The following PTPRD variants were observed in gnomAD, a reference collection of about 807,000 sequenced individuals.
The protein encoded by PTPRD is protein tyrosine phosphatase receptor type D.
PTPRD carries 34 observed loss-of-function variants against 214.5 expected under a neutral mutation model. That is an observed-to-expected ratio of 0.16 (90% CI 0.12 to 0.21). PTPRD has a LOEUF of 0.21. PTPRD is among the 10% of genes least tolerant of loss of function. PTPRD has a pLI of 1.00. For synonymous variants in PTPRD, 1,128 were observed against 845.7 expected (o/e 1.33, Z -5.79); for missense variants, 2,545 against 2,398.7 (o/e 1.06, Z -1.27).
intron 3 of PTPRD, among the ~76,000 whole-genome samples, chr9:10,039,612 A>C (rs1456647265): frequency 6.6e-6 from 1 of 152,042 alleles, no homozygotes; most frequent in Admixed American, 6.6e-5. Context: ...CTGGGTTAAA[A>C]TGTCCTAGCT....
intron 5 of PTPRD, among the ~76,000 whole-genome samples, chr9:9,839,674 A>T (rs2057794886): frequency 6.6e-6 from 1 of 152,108 alleles, no homozygotes; most frequent in Admixed American, 6.6e-5. Flanking sequence ...GCTACCAATG[A>T]CTTTCTTCAC....
intron 11 of PTPRD, among the ~76,000 whole-genome samples, chr9:8,939,171 G>C (rs2099015913): frequency 6.6e-6 from 1 of 152,106 alleles, no homozygotes; most frequent in South Asian, 2.1e-4. Context: ...GATAATTTAA[G>C]TCTATTGTTT....
intron 10 of PTPRD, among the ~76,000 whole-genome samples, chr9:9,135,188 G>C (rs1375898711): frequency 1.3e-5 from 2 of 152,176 alleles, no homozygotes; most frequent in Non-Finnish European, 2.9e-5. Flanking sequence ...AACTGAGAGA[G>C]GACTCATGTC....
At position 9,612,508 on chromosome 9, in the gene PTPRD, G is replaced by A. The variant is rs753478668; in HGVS notation, c.-286-37727C>T. On this transcript the variant is annotated intron_variant, in intron 7 of 45. Coordinates refer to ENST00000381196, the MANE Select transcript of PTPRD (RefSeq NM_002839.4). ...GTGCATATAAAAACTCAAAGGGCAA[G>A]TAGACAGCAAAATTAAGGAAGTGGT... is the stretch of plus-strand genomic sequence containing the variant. Among the ~76,000 whole-genome samples, 148 of 152,286 alleles carry A rather than the reference G, an allele frequency of 9.7e-4. 1 individual carries two copies. Among genetic ancestry groups the A allele is most frequent in the Non-Finnish European group, 1.5e-3 (103 of 68,028 alleles).
Position 8,733,679 on chromosome 9 carries a change from T to C in PTPRD, c.64+101A>G, listed in dbSNP as rs537807573. On this transcript the variant is annotated intron_variant, in intron 12 of 45. Transcript: ENST00000381196. Reference sequence around the variant, plus strand: ...GATCCCGCAGTGTCTCAGGATTTACTTCCAAAGGAAATGTATTCAGAGGCC... The same window carrying C: ...GATCCCGCAGTGTCTCAGGATTTACCTCCAAAGGAAATGTATTCAGAGGCC... 4.3e-5 allele frequency: 54 copies of C among 1,247,752 alleles called. 1 individual carries two copies. In the Admixed American group the frequency reaches 1.0e-3, roughly 24 times the overall value. 77.3% of individuals were successfully genotyped at this position (1,247,752 alleles called of 1,614,324 possible).
At chr9:10,215,498 G>C (rs912797167) in intron 3 of PTPRD, among the ~76,000 whole-genome samples, 34 of 152,134 alleles carry the variant, frequency 2.2e-4, no homozygotes, top group African/African-American at 7.9e-4. Context: ...TTTGTAGTCA[G>C]GCAACATTAA....
At chr9:9,967,640 G>C (rs574285144) in intron 4 of PTPRD, among the ~76,000 whole-genome samples, 2 of 152,270 alleles carry the variant, frequency 1.3e-5, no homozygotes, top group South Asian at 2.1e-4. Context: ...AAGTCATAGA[G>C]AATTAAAAGT....
At chr9:9,925,456 T>G (rs1389427971) in intron 5 of PTPRD, among the ~76,000 whole-genome samples, 1 of 152,140 alleles carries the variant, frequency 6.6e-6, no homozygotes, top group African/African-American at 2.4e-5. Context: ...CTATATTATA[T>G]AAATAATCTT....
In PTPRD at chr9:9,571,898, G is replaced by A. The variant is rs181755610; in HGVS notation, c.-237+2834C>T. Among the ~76,000 whole-genome samples the A allele has an allele frequency of 2.3e-3, 350 of 151,086 alleles. 1 individual carries two copies. Among genetic ancestry groups the A allele is most frequent in the African/African-American group, 8.2e-3 (339 of 41,392 alleles). ...AATCTATTTATCTTAAATGCACAAG[G>A]TAATAAACATAGAACAATGTAACAC... On this transcript the variant is annotated intron_variant, in intron 8 of 45. Coordinates refer to ENST00000381196, the MANE Select transcript of PTPRD (RefSeq NM_002839.4).
intron 3 of PTPRD, among the ~76,000 whole-genome samples, chr9:10,196,869 T>G (rs1416755509): frequency 6.6e-6 from 1 of 152,106 alleles, no homozygotes; most frequent in African/African-American, 2.4e-5. Flanking sequence ...TGAATAGGAC[T>G]AGTGTTTTTA....
intron 7 of PTPRD, among the ~76,000 whole-genome samples, chr9:9,608,846 G>T (rs916897129): frequency 9.9e-5 from 15 of 152,114 alleles, no homozygotes; most frequent in Admixed American, 9.2e-4. Flanking sequence ...TTACTTCTAA[G>T]AATTACCTTC....
chr9:8,697,513 C>A (rs979798598), intron 12 of PTPRD, among the ~76,000 whole-genome samples: 1 of 148,920 alleles, frequency 6.7e-6, no homozygotes, highest in Non-Finnish European at 1.5e-5. Context: ...ATCCCCACCT[C>A]CCAGGTTCAA....
chr9:8,339,194 T>A, intron 42 of PTPRD, 147 bp from the exon 43 acceptor site: 1 of 819,362 alleles, frequency 1.2e-6, no homozygotes. Flanking sequence ...ATATGACTCA[T>A]TTCCTCTTAG....
chr9:9,687,857 GT>G (rs2097193157), intron 7 of PTPRD, among the ~76,000 whole-genome samples: 1 of 151,716 alleles, frequency 6.6e-6, no homozygotes, highest in African/African-American at 2.4e-5. Context: ...GTGTGATATT[GT>G]TTGGCTCTAT....
chr9:10,516,878 A>G (rs2050302875), intron 2 of PTPRD, among the ~76,000 whole-genome samples: 1 of 151,788 alleles, frequency 6.6e-6, no homozygotes, highest in East Asian at 1.9e-4. Flanking sequence ...AGGTCAGTTG[A>G]CCAATCATGC....
At chr9:10,352,922 T>C (rs563668157) in intron 2 of PTPRD, among the ~76,000 whole-genome samples, 30 of 151,964 alleles carry the variant, frequency 2.0e-4, no homozygotes, top group Non-Finnish European at 1.8e-4. Flanking sequence ...CTTTAGGTGG[T>C]TTTTTAATCA....
At chr9:8,509,212 C>G (rs901900020) in intron 21 of PTPRD, among the ~76,000 whole-genome samples, 1 of 152,080 alleles carries the variant, frequency 6.6e-6, no homozygotes, top group South Asian at 2.1e-4. Flanking sequence ...GGGAACAAAA[C>G]ACAAATAGGC....
At chr9:10,394,957 CTTT>C (rs34786789) in intron 2 of PTPRD, among the ~76,000 whole-genome samples, 2 of 133,184 alleles carry the variant, frequency 1.5e-5, no homozygotes, top group Non-Finnish European at 1.6e-5. Context: ...TTTTCTTTTT[CTTT>C]TTTTTTTTTT....
At chr9:10,248,345 C>A (rs528279211) in intron 3 of PTPRD, among the ~76,000 whole-genome samples, 10 of 152,056 alleles carry the variant, frequency 6.6e-5, no homozygotes, top group African/African-American at 2.2e-4. Context: ...TACCATTCTA[C>A]AACCTCTAAG....
Sources: gnomAD v4.1 joint callset for allele counts (sites outside exome capture counted in the v4.1 genomes callset) on GRCh38, gnomAD v4.1.1 for gene constraint, MANE v1.5 for transcripts, NCBI Gene and HGNC (gene_info 2026-07-23, HGNC 2026-07-21) for gene names.